TAFA5: variants seen among roughly 807,000 people sequenced by gnomAD.
TAFA5 encodes TAFA chemokine like family member 5.
Under a neutral mutation model 15.3 loss-of-function variants are expected in TAFA5, and 6 were observed. That is an observed-to-expected ratio of 0.39 (90% CI 0.21 to 0.77). The LOEUF is 0.77. Among genes scored for constraint, TAFA5 ranks in the 30% least tolerant of loss-of-function variants. The pLI is 0.41. For missense variants in TAFA5, 161 were observed against 193.1 expected (o/e 0.83, Z 0.98); for synonymous variants, 103 against 80.7 (o/e 1.28, Z -1.48).
chr22:48,490,595 A>C lies in TAFA5; in HGVS notation c.112+891A>C, dbSNP rs982413194. On this transcript the variant is annotated intron_variant, in intron 1 of 3. Coordinates refer to ENST00000402357, the MANE Select transcript of TAFA5 (RefSeq NM_001082967.3). The surrounding 1 kb of genome is among the most constrained non-coding windows in gnomAD (Gnocchi z 5.8). ...GGGCACGTTCGCGGCTGGTGGGGTA[A>C]GTGGGGGCCGCTCAGCGTCCCGGGC... is the stretch of plus-strand genomic sequence containing the variant. 2.3e-4 allele frequency among the ~76,000 whole-genome samples: 35 copies of C among 150,050 alleles called. 1 individual carries two copies. The highest frequency in any genetic ancestry group is 8.1e-4 in the African/African-American group (33 of 40,512).
chr22:48,646,177 T>G (rs1442368469), intron 1 of TAFA5, among the ~76,000 whole-genome samples: 2 of 152,124 alleles, frequency 1.3e-5, no homozygotes, highest in East Asian at 3.9e-4. Flanking sequence ...CTGGGGCCAG[T>G]GTGCTGGCAC....
intron 1 of TAFA5, among the ~76,000 whole-genome samples, chr22:48,536,756 G>A (rs986498977): frequency 3.9e-5 from 6 of 152,230 alleles, no homozygotes; most frequent in Admixed American, 2.0e-4. Flanking sequence ...CACAGGCGGC[G>A]CGCACACACA....
At chr22:48,675,188 C>T (rs1319301462) in intron 2 of TAFA5, among the ~76,000 whole-genome samples, 6 of 152,232 alleles carry the variant, frequency 3.9e-5, no homozygotes, top group Admixed American at 3.9e-4. Context: ...GTGATCCACC[C>T]ACCTCGGCCT....
intron 1 of TAFA5, among the ~76,000 whole-genome samples, chr22:48,536,613 G>A (rs759097198): frequency 6.6e-6 from 1 of 152,224 alleles, no homozygotes; most frequent in African/African-American, 2.4e-5. Flanking sequence ...TTTCGAAACC[G>A]CCTGAAGAAT....
chr22:48,721,036 C>G (rs937725265), intron 3 of TAFA5, among the ~76,000 whole-genome samples: 1 of 152,230 alleles, frequency 6.6e-6, no homozygotes, highest in African/African-American at 2.4e-5. Flanking sequence ...AGGCCACTGT[C>G]CCCTGCTGGG....
At chr22:48,721,520 C>T (rs923570096) in intron 3 of TAFA5, among the ~76,000 whole-genome samples, 1 of 151,970 alleles carries the variant, frequency 6.6e-6, no homozygotes, top group South Asian at 2.1e-4. Flanking sequence ...CTGTTTTTCT[C>T]CTATTGGTTG....
At chr22:48,688,157 C>T (rs2147235761) in intron 2 of TAFA5, among the ~76,000 whole-genome samples, 1 of 151,988 alleles carries the variant, frequency 6.6e-6, no homozygotes, top group South Asian at 2.1e-4. Flanking sequence ...GAGGGTTTTG[C>T]ACTGGCGCAC....
intron 2 of TAFA5, among the ~76,000 whole-genome samples, chr22:48,699,573 C>T (rs79822516): frequency 0.015 from 2,295 of 152,100 alleles, 52 homozygotes; most frequent in East Asian, 0.052. Context: ...AAGGACGTGT[C>T]GCATGAAGGC....
At chr22:48,504,886 G>T (rs1311236585) in intron 1 of TAFA5, among the ~76,000 whole-genome samples, 1 of 152,164 alleles carries the variant, frequency 6.6e-6, no homozygotes, top group African/African-American at 2.4e-5. Flanking sequence ...GTCCAGCCTT[G>T]GGGGGCTCAG....
intron 2 of TAFA5, among the ~76,000 whole-genome samples, chr22:48,677,467 A>T (rs1160755830): frequency 6.6e-6 from 1 of 152,174 alleles, no homozygotes; most frequent in Non-Finnish European, 1.5e-5. Context: ...TTCTTGAGGG[A>T]CTGCTCCCCG....
intron 1 of TAFA5, among the ~76,000 whole-genome samples, chr22:48,641,172 C>T (rs538681336): frequency 7.0e-6 from 1 of 143,678 alleles, no homozygotes; most frequent in African/African-American, 2.9e-5. Context: ...GGCCCCCCTG[C>T]CAGGGCAGTG....
intron 1 of TAFA5, among the ~76,000 whole-genome samples, chr22:48,501,564 AGAG>A (rs1412726334): frequency 3.3e-5 from 5 of 151,128 alleles, no homozygotes; most frequent in African/African-American, 1.2e-4. Flanking sequence ...GTGCCCGGGG[AGAG>A]ATAGAGGAGG....
chr22:48,647,045 T>G (rs1444040400), intron 2 of TAFA5, among the ~76,000 whole-genome samples: 1 of 152,118 alleles, frequency 6.6e-6, no homozygotes, highest in Non-Finnish European at 1.5e-5. Flanking sequence ...ATGTTGCCTC[T>G]GGGAGAGGAG....
At chr22:48,637,945 C>T (rs1284838170) in intron 1 of TAFA5, among the ~76,000 whole-genome samples, 1 of 152,142 alleles carries the variant, frequency 6.6e-6, no homozygotes, top group African/African-American at 2.4e-5. Context: ...GATCCTGAGG[C>T]TGTCCTGCCC....
At chr22:48,730,227 C>CA (rs976585936) in intron 3 of TAFA5, among the ~76,000 whole-genome samples, 3 of 151,952 alleles carry the variant, frequency 2.0e-5, no homozygotes, top group Non-Finnish European at 4.4e-5. Flanking sequence ...TACTAAAATA[C>CA]AAAAAAATTA....
intron 1 of TAFA5, among the ~76,000 whole-genome samples, chr22:48,515,652 G>A (rs1027031458): frequency 1.1e-4 from 17 of 152,156 alleles, no homozygotes; most frequent in Admixed American, 1.1e-3. Flanking sequence ...CACCCCTGAG[G>A]CCTCATTGCA....
intron 1 of TAFA5, among the ~76,000 whole-genome samples, chr22:48,570,491 T>C (rs1923545720): frequency 1.3e-5 from 2 of 152,244 alleles, no homozygotes; most frequent in Admixed American, 6.5e-5. Context: ...AAATGGTTAA[T>C]AGCTTCTTTC....
chr22:48,584,120 A>C (rs1924226468), intron 1 of TAFA5, among the ~76,000 whole-genome samples: 1 of 147,052 alleles, frequency 6.8e-6, no homozygotes, highest in African/African-American at 2.5e-5. Context: ...ACACACACAC[A>C]CCAATCACAT....
intron 1 of TAFA5, among the ~76,000 whole-genome samples, chr22:48,603,546 C>G (rs1925051930): frequency 6.6e-6 from 1 of 152,182 alleles, no homozygotes; most frequent in African/African-American, 2.4e-5. Flanking sequence ...CAGGGGATGG[C>G]TCAGAGGTGC....
Sources: gnomAD v4.1 joint callset for allele counts (sites outside exome capture counted in the v4.1 genomes callset) on GRCh38, gnomAD v4.1.1 for gene constraint, Gnocchi (gnomAD v3.1) non-coding constraint, MANE v1.5 for transcripts, NCBI Gene and HGNC (gene_info 2026-07-23, HGNC 2026-07-21) for gene names.